The following RUNX1 variants were observed in gnomAD, a reference collection of about 807,000 sequenced individuals.
RUNX1 encodes the protein runt-related transcription factor 1.
A neutral mutation model predicts 42.8 loss-of-function variants in RUNX1; 19 were observed. The ratio of observed to expected loss-of-function variants is 0.44; its 90% confidence interval spans 0.31 to 0.65. RUNX1 has a LOEUF of 0.65. Ranked by LOEUF, RUNX1 falls within the 30% of genes least tolerant of loss-of-function variation. The probability of loss-of-function intolerance (pLI) is 0.07; values close to 1 mark genes in which losing one functional copy is unlikely to be tolerated. For synonymous variants in RUNX1, 271 were observed against 289.4 expected (o/e 0.94, Z 0.64); for missense variants, 528 against 672.0 (o/e 0.79, Z 2.37).
chr21:34,816,255 C>T (rs966586620), intron 7 of RUNX1, among the ~76,000 whole-genome samples: 2 of 152,222 alleles, frequency 1.3e-5, no homozygotes, highest in African/African-American at 4.8e-5. Context: ...TCATGCACCC[C>T]TTTCTCTGCA....
chr21:34,951,052 T>C (rs1002449819), intron 2 of RUNX1, among the ~76,000 whole-genome samples: 2 of 152,254 alleles, frequency 1.3e-5, no homozygotes, highest in Admixed American at 1.3e-4. Context: ...GTCAATAGCC[T>C]CTGGAAGTCA....
intron 2 of RUNX1, among the ~76,000 whole-genome samples, chr21:34,994,255 A>C (rs2058975970): frequency 6.6e-6 from 1 of 152,214 alleles, no homozygotes; most frequent in Admixed American, 6.5e-5. Flanking sequence ...AAAACTTCCA[A>C]GACATTTTCT....
At chr21:35,000,575 T>G (rs2059034435) in intron 2 of RUNX1, among the ~76,000 whole-genome samples, 1 of 152,062 alleles carries the variant, frequency 6.6e-6, no homozygotes, top group Non-Finnish European at 1.5e-5. Context: ...AGCTTAACAA[T>G]CAACTGGCAA....
In RUNX1 at chr21:34,998,600, G is replaced by T. The variant is rs562883598; in HGVS notation, c.58+50242C>A. On this transcript the variant is annotated intron_variant, in intron 2 of 8. Coordinates refer to ENST00000675419, the MANE Select transcript of RUNX1 (RefSeq NM_001754.5). ...TCTGTCACCCAGGCTGTAGTGTAGT[G>T]GCCCAGTCTCGGCTCACTGCAAGCT... Among the ~76,000 whole-genome samples the T allele has an allele frequency of 2.6e-5, 4 of 151,848 alleles. No homozygotes were observed. The East Asian group carries it at 5.8e-4, about 22-fold the overall frequency.
chr21:34,862,527 C>G (rs914513399), intron 5 of RUNX1, among the ~76,000 whole-genome samples: 1 of 152,234 alleles, frequency 6.6e-6, no homozygotes, highest in Admixed American at 6.5e-5. Context: ...CACACTCCCC[C>G]TGAGGGCTCT....
At position 34,905,113 on chromosome 21, in the gene RUNX1, C is replaced by T. The variant is rs146916180; in HGVS notation, c.59-12150G>A. ...TGATAGACACATAGTGCCCAGACAC[C>T]GTGCACAGTGAACTCACTCTAGGAG... On this transcript the variant is annotated intron_variant, in intron 2 of 8. Coordinates refer to ENST00000675419, the MANE Select transcript of RUNX1 (RefSeq NM_001754.5). Among the ~76,000 whole-genome samples the T allele has an allele frequency of 1.6e-4, 24 of 152,256 alleles. No homozygotes were observed. In the East Asian group the frequency reaches 4.1e-3, roughly 26 times the overall value.
chr21:34,936,292 A>G (rs1043195299), intron 2 of RUNX1, among the ~76,000 whole-genome samples: 1 of 151,972 alleles, frequency 6.6e-6, no homozygotes, highest in Non-Finnish European at 1.5e-5. Flanking sequence ...AAAAAATAGC[A>G]CTCTGTCATT....
chr21:34,799,396 A>G lies in RUNX1; in HGVS notation c.872T>C (p.Ile291Thr), dbSNP rs371026644. The G allele has an allele frequency of 8.7e-6, 14 of 1,614,074 alleles. No individual in the cohort carries two copies. The highest frequency in any genetic ancestry group is 6.7e-5 in the African/African-American group (5 of 74,940). ...TGCTGGGTGCACAGAAGGAGAGGCA[A>G]TGGATCCCAGGTATTGGTAGGACTG... The part of the protein sequence containing the change: ...YDQSYQYLGS[I>T]ASPSVHPATP... Residue 291 changes from isoleucine (I) to threonine (T), a missense_variant, in exon 8 of 9, where the codon ATT becomes ACT. By Grantham distance (89) the Ile-to-Thr change is moderately conservative. Around this residue, in one of 3 missense-constraint regions of RUNX1, gnomAD observed 331 missense variants for 382.5 expected, o/e 0.87. Coordinates refer to ENST00000675419, the MANE Select transcript of RUNX1 (RefSeq NM_001754.5).
chr21:34,831,891 G>A (rs777146587), intron 7 of RUNX1, among the ~76,000 whole-genome samples: 15 of 152,066 alleles, frequency 9.9e-5, no homozygotes, highest in African/African-American at 3.1e-4. Context: ...GTAAAACAGC[G>A]TTTTCTTATA....
chr21:34,867,108 TAAATGAGGCC>T (rs2057673712), intron 5 of RUNX1, among the ~76,000 whole-genome samples: 1 of 151,982 alleles, frequency 6.6e-6, no homozygotes, highest in African/African-American at 2.4e-5. Flanking sequence ...AAAAGTTTGA[TAAATGAGGCC>T]AGGCATGGTG....
At chr21:34,956,769 TCTC>T (rs1266793477) in intron 2 of RUNX1, among the ~76,000 whole-genome samples, 2 of 152,148 alleles carry the variant, frequency 1.3e-5, no homozygotes, top group Admixed American at 6.5e-5. Flanking sequence ...TCCTGCTCGT[TCTC>T]CTCCTCTTCC....
At chr21:35,021,793 A>G (rs2059200312) in intron 2 of RUNX1, among the ~76,000 whole-genome samples, 1 of 152,192 alleles carries the variant, frequency 6.6e-6, no homozygotes. Context: ...GGCCTCATCC[A>G]GGGAGACAGA....
intron 6 of RUNX1, among the ~76,000 whole-genome samples, chr21:34,852,175 A>AAAAC (rs1202089883): frequency 2.8e-5 from 3 of 107,762 alleles, no homozygotes; most frequent in Admixed American, 1.4e-4. Context: ...CTCAAAAAAC[A>AAAAC]AAACAAAACA....
chr21:34,889,878 C>T, intron 3 of RUNX1: 2 of 1,070,950 alleles, frequency 1.9e-6, no homozygotes, highest in Non-Finnish European at 2.3e-6. Flanking sequence ...CCCTGCACCT[C>T]CCGGGGCCTC....
intron 4 of RUNX1, among the ~76,000 whole-genome samples, chr21:34,886,503 G>C (rs1360337556): frequency 1.3e-5 from 2 of 152,198 alleles, no homozygotes; most frequent in African/African-American, 2.4e-5. Flanking sequence ...GTTAGCAGAC[G>C]GGCTGTCTCT....
At chr21:35,040,929 C>T (rs1038815380) in intron 2 of RUNX1, among the ~76,000 whole-genome samples, 5 of 152,078 alleles carry the variant, frequency 3.3e-5, no homozygotes, top group African/African-American at 1.2e-4. Context: ...TTTTCTGGGT[C>T]TTTCTTTAGG....
rs149820850 is a variant in RUNX1 at position 35,037,358 on chromosome 21, G to A, written c.58+11484C>T. On this transcript the variant is annotated intron_variant, in intron 2 of 8. Transcript: ENST00000675419. Reference sequence around the variant, plus strand: ...CTCTCAGTTCTGATGGGAGAAACACGTGGGCAGGAGAGGTCTGGATACCAG... The same window carrying A: ...CTCTCAGTTCTGATGGGAGAAACACATGGGCAGGAGAGGTCTGGATACCAG... Among the ~76,000 whole-genome samples the A allele has an allele frequency of 2.7e-3, 410 of 152,310 alleles. 1 individual carries two copies. The highest frequency in any genetic ancestry group is 4.4e-3 in the Non-Finnish European group (302 of 68,024).
At chr21:34,909,497 C>T (rs2058253789) in intron 2 of RUNX1, among the ~76,000 whole-genome samples, 2 of 149,168 alleles carry the variant, frequency 1.3e-5, no homozygotes, top group Admixed American at 6.8e-5. Context: ...CTCCTTCCTT[C>T]TCTGGGCACA....
chr21:35,008,110 C>A (rs893029749), intron 2 of RUNX1, among the ~76,000 whole-genome samples: 1 of 152,226 alleles, frequency 6.6e-6, no homozygotes, highest in Non-Finnish European at 1.5e-5. Context: ...TCTTCACTCC[C>A]TCATCTGCTT....
Sources: allele counts gnomAD v4.1 joint callset (sites outside exome capture counted in the v4.1 genomes callset), GRCh38; gene constraint gnomAD v4.1.1; regional missense constraint gnomAD v4.1.1; transcripts MANE v1.5; gene names NCBI Gene and HGNC (gene_info 2026-07-23, HGNC 2026-07-21).